Variants in ERBB4 observed in about 807,000 individuals in gnomAD.
ERBB4 encodes the protein receptor tyrosine-protein kinase erbB-4.
In ERBB4, 42 loss-of-function variants were observed where a neutral mutation model predicts 158.0. The observed-to-expected ratio is 0.27, with a 90% CI of 0.21 to 0.34. The LOEUF (loss-of-function observed/expected upper bound fraction) is 0.34. ERBB4 is among the 10% of genes least tolerant of loss of function. ERBB4 has a pLI of 1.00. For synonymous variants in ERBB4, 583 were observed against 558.7 expected, an observed-to-expected ratio of 1.04 and a Z score of -0.61; for missense variants, 1,333 against 1,624.1, an observed-to-expected ratio of 0.82 and a Z score of 3.08.
chr2:211,792,728 G>T lies in ERBB4; in HGVS notation c.422-4569C>A, dbSNP rs1320552426. 2.0e-5 allele frequency among the ~76,000 whole-genome samples: 3 copies of T among 151,764 alleles called. No individual in the cohort carries two copies. The East Asian group carries it at 5.8e-4, about 29-fold the overall frequency. ...GGTATAAACTGCCAATATGACATTT[G>T]AAAAAGGACAGAAAGTATTTGTATC... On this transcript the variant is annotated intron_variant, in intron 3 of 27. Coordinates refer to ENST00000342788, the MANE Select transcript of ERBB4 (RefSeq NM_005235.3).
At chr2:212,048,720 A>G (rs947920941) in intron 2 of ERBB4, among the ~76,000 whole-genome samples, 1 of 152,140 alleles carries the variant, frequency 6.6e-6, no homozygotes, top group African/African-American at 2.4e-5. Context: ...AGTTAGTTGT[A>G]TATTTAAATT....
chr2:212,226,453 C>T (rs1373530770), intron 1 of ERBB4, among the ~76,000 whole-genome samples: 2 of 151,744 alleles, frequency 1.3e-5, no homozygotes, highest in Non-Finnish European at 2.9e-5. Flanking sequence ...ATTTATTACA[C>T]AGTAATACAA....
At chr2:211,771,672 C>T (rs760837036) in intron 4 of ERBB4, among the ~76,000 whole-genome samples, 3 of 152,096 alleles carry the variant, frequency 2.0e-5, no homozygotes, top group Non-Finnish European at 2.9e-5. Flanking sequence ...AGCTGCCCTA[C>T]CCCTAAAGAG....
intron 1 of ERBB4, among the ~76,000 whole-genome samples, chr2:212,326,239 A>G (rs946268608): frequency 6.6e-6 from 1 of 150,758 alleles, no homozygotes; most frequent in African/African-American, 2.4e-5. Flanking sequence ...CATGATTCCT[A>G]CTGGTTTTAG....
intron 1 of ERBB4, among the ~76,000 whole-genome samples, chr2:212,504,511 T>A (rs986777179): frequency 1.2e-4 from 18 of 150,790 alleles, no homozygotes; most frequent in Admixed American, 6.6e-4. Flanking sequence ...AAAAAAAAAA[T>A]TTTCGTTAAT....
At chr2:211,942,654 C>A (rs1461912184) in intron 3 of ERBB4, among the ~76,000 whole-genome samples, 3 of 151,992 alleles carry the variant, frequency 2.0e-5, no homozygotes, top group Non-Finnish European at 4.4e-5. Context: ...AGATAATAAT[C>A]AAATCAAGAT....
intron 2 of ERBB4, among the ~76,000 whole-genome samples, chr2:212,076,305 TGTAAAGA>T (rs1051759797): frequency 2.6e-4 from 39 of 152,016 alleles, no homozygotes; most frequent in African/African-American, 8.9e-4. Context: ...TTATCTTCCA[TGTAAAGA>T]GTAAAGTGTT....
At chr2:212,484,086 T>G (rs1476426162) in intron 1 of ERBB4, among the ~76,000 whole-genome samples, 1 of 152,190 alleles carries the variant, frequency 6.6e-6, no homozygotes. Flanking sequence ...GAGGTATTAA[T>G]GTTCTTTTAC....
chr2:211,944,090 T>TACAC (rs1387534212), intron 3 of ERBB4, among the ~76,000 whole-genome samples: 10 of 132,340 alleles, frequency 7.6e-5, no homozygotes, highest in Non-Finnish European at 1.4e-4. Context: ...ACTATATATA[T>TACAC]ATATATACAT....
Position 212,038,262 on chromosome 2 carries a change from T to G in ERBB4, c.234+86490A>C, listed in dbSNP as rs183427411. On this transcript the variant is annotated intron_variant, in intron 2 of 27. Coordinates refer to ENST00000342788, the MANE Select transcript of ERBB4 (RefSeq NM_005235.3). ...ATCTATTATATATTAGTCTCTTTAT[T>G]TATATATATGAAGAAAAAATCTAGA... 3.3e-5 allele frequency among the ~76,000 whole-genome samples: 5 copies of G among 152,146 alleles called. No homozygotes were observed. The East Asian group carries it at 9.6e-4, about 29-fold the overall frequency.
intron 20 of ERBB4, among the ~76,000 whole-genome samples, chr2:211,513,357 CAAAAAAAA>C (rs61042785): frequency 0.066 from 2,573 of 39,234 alleles, 108 homozygotes; most frequent in African/African-American, 0.16. Flanking sequence ...GACTCCGTCT[CAAAAAAAA>C]AAAAAAAAAA....
In ERBB4 at chr2:211,712,054, G is replaced by A; in HGVS notation, c.1120C>T (p.His374Tyr). The change falls in exon 9 of 28, where the codon CAT becomes TAT. Residue 374 changes from histidine (H) to tyrosine (Y), a missense_variant. His to Tyr is a moderately conservative substitution (Grantham distance 83, BLOSUM62 2). Around this residue, in one of 5 missense-constraint regions of ERBB4, gnomAD observed 438 missense variants for 586.9 expected, o/e 0.75. Coordinates refer to ENST00000342788, the MANE Select transcript of ERBB4 (RefSeq NM_005235.3). ...GNLIFLVTGI[H>Y]GDPYNAIEAI... Reference sequence around the variant, plus strand: ...GCACAAAAATTTAATACTGACCCATGAATACCAGTGACTAGAAAGATCAAA... The same window carrying A: ...GCACAAAAATTTAATACTGACCCATAAATACCAGTGACTAGAAAGATCAAA... The A allele has an allele frequency of 1.9e-6, 3 of 1,611,360 alleles. No individual in the cohort carries two copies. Among genetic ancestry groups the A allele is most frequent in the Non-Finnish European group, 1.7e-6 (2 of 1,177,712 alleles).
At chr2:211,850,572 A>G (rs1415691692) in intron 3 of ERBB4, among the ~76,000 whole-genome samples, 1 of 151,906 alleles carries the variant, frequency 6.6e-6, no homozygotes, top group African/African-American at 2.4e-5. Context: ...CCTAGTTGGG[A>G]TAACTAGAGA....
intron 1 of ERBB4, among the ~76,000 whole-genome samples, chr2:212,221,680 T>C (rs1488973393): frequency 4.0e-5 from 6 of 151,412 alleles, no homozygotes; most frequent in Non-Finnish European, 5.9e-5. Context: ...CTGGGAAAAA[T>C]AATCCATTTG....
chr2:212,524,209 A>C (rs1692322928), intron 1 of ERBB4, among the ~76,000 whole-genome samples: 1 of 152,082 alleles, frequency 6.6e-6, no homozygotes, highest in Non-Finnish European at 1.5e-5. Context: ...ATAATAATTA[A>C]GCTGACGTTC....
At chr2:212,039,814 G>T in intron 2 of ERBB4, among the ~76,000 whole-genome samples, 1 of 151,946 alleles carries the variant, frequency 6.6e-6, no homozygotes, top group Non-Finnish European at 1.5e-5. Flanking sequence ...CTAGAGAGAT[G>T]CCACACACAA....
intron 1 of ERBB4, among the ~76,000 whole-genome samples, chr2:212,441,791 G>C (rs1027443120): frequency 6.6e-6 from 1 of 152,182 alleles, no homozygotes; most frequent in Admixed American, 6.5e-5. Context: ...GATCTCCCTT[G>C]GTTTAATGTA....
chr2:212,067,748 C>T (rs1163562000), intron 2 of ERBB4, among the ~76,000 whole-genome samples: 2 of 152,122 alleles, frequency 1.3e-5, no homozygotes, highest in East Asian at 3.9e-4. Flanking sequence ...GACATCCCTC[C>T]TCTTAATTTT....
In ERBB4 at chr2:211,772,950, TATA is replaced by T. The variant is rs1377540525; in HGVS notation, c.556+15072_556+15074del. On this transcript the variant is annotated intron_variant, in intron 4 of 27. Coordinates refer to ENST00000342788, the MANE Select transcript of ERBB4 (RefSeq NM_005235.3). The stretch of plus-strand genomic sequence containing the variant: ...ATATATATATATATATATATATATA[TATA>T]TATTTTTTTTTTTAAAGATGGGGTC... Among the ~76,000 whole-genome samples, 93 of 76,498 alleles carry T rather than the reference TATA, an allele frequency of 1.2e-3. 15 individuals are homozygous for T. The highest frequency in any genetic ancestry group is 6.5e-3 in the East Asian group (12 of 1,850). 50.2% of individuals were successfully genotyped at this position (76,498 alleles called of 152,430 possible). A position where few individuals can be genotyped will look rare whatever the true frequency, so the allele number is the denominator to read the frequency against.
Sources: gnomAD v4.1 joint callset for allele counts (sites outside exome capture counted in the v4.1 genomes callset) on GRCh38, gnomAD v4.1.1 for gene constraint, gnomAD v4.1.1 regional missense constraint, MANE v1.5 for transcripts, NCBI Gene and HGNC (gene_info 2026-07-23, HGNC 2026-07-21) for gene names.